PPP2R5C: variants seen among roughly 807,000 people sequenced by gnomAD.
PPP2R5C encodes the protein protein phosphatase 2 regulatory subunit B'gamma.
PPP2R5C carries 7 observed loss-of-function variants against 68.9 expected under a neutral mutation model. The ratio of observed to expected loss-of-function variants is 0.10; its 90% CI spans 0.06 to 0.19. PPP2R5C has a LOEUF of 0.19. Among genes scored for constraint, PPP2R5C ranks in the 10% least tolerant of loss-of-function variants. The pLI is 1.00. For missense variants in PPP2R5C, 348 were observed against 641.3 expected (o/e 0.54, Z 4.94); for synonymous variants, 210 against 222.2 (o/e 0.95, Z 0.49).
chr14:101,877,449 T>C lies in PPP2R5C; in HGVS notation c.295-4712T>C, dbSNP rs967552929. 6.6e-6 allele frequency among the ~76,000 whole-genome samples: 1 copy of C among 152,170 alleles called. No homozygotes were observed. The highest frequency in any genetic ancestry group is 2.4e-5 in the African/African-American group (1 of 41,442). On this transcript the variant is annotated intron_variant, in intron 2 of 13. Coordinates refer to ENST00000334743, the Ensembl canonical transcript of PPP2R5C. The surrounding 1 kb of genome is among the most constrained non-coding windows in gnomAD (Gnocchi z 4.2). ...CATTTGAGAGATCACAGTGACCCTG[T>C]GTGCTGCCCAGAAGACCCGGGACTC... is the stretch of plus-strand genomic sequence containing the variant.
Position 101,781,083 on chromosome 14 carries a change from A to G in PPP2R5C, c.94-4935A>G, listed in dbSNP as rs2037660159. On this transcript the variant is annotated intron_variant, in intron 2 of 14. Transcript: ENST00000328724. The surrounding 1 kb of genome is among the most constrained non-coding windows in gnomAD (Gnocchi z 6.4). ...CCTTCCTCCCTAGCCGTCTCCCTCC[A>G]GCTACAGGTGCCTTGCGGTGCCGCC... Among the ~76,000 whole-genome samples, 1 of 151,960 alleles carries G rather than the reference A, an allele frequency of 6.6e-6. No homozygotes were observed. Among genetic ancestry groups the G allele is most frequent in the Non-Finnish European group, 1.5e-5 (1 of 67,970 alleles).
chr14:101,816,838 A>G (rs992944786), intron 1 of PPP2R5C, among the ~76,000 whole-genome samples: 1 of 146,010 alleles, frequency 6.8e-6, no homozygotes, highest in African/African-American at 2.5e-5. Context: ...ACTTTTTCAT[A>G]ATGTTTGAGA....
chr14:101,821,479 G>GTA (rs1555386213), intron 1 of PPP2R5C, among the ~76,000 whole-genome samples: 1 of 151,614 alleles, frequency 6.6e-6, no homozygotes, highest in African/African-American at 2.4e-5. Flanking sequence ...GTGTGTGTGT[G>GTA]TGTGTATTTA....
chr14:101,832,069 G>A (rs994026376), intron 1 of PPP2R5C, among the ~76,000 whole-genome samples: 1 of 152,198 alleles, frequency 6.6e-6, no homozygotes, highest in Non-Finnish European at 1.5e-5. Context: ...AGAGCAAGTG[G>A]TCTGTATGTC....
intron 1 of PPP2R5C, among the ~76,000 whole-genome samples, chr14:101,814,628 AAAAT>A (rs2039552118): frequency 6.6e-6 from 1 of 152,226 alleles, no homozygotes; most frequent in Non-Finnish European, 1.5e-5. Context: ...GCTATCTTCT[AAAAT>A]TTTCTCATTA....
At chr14:101,847,787 C>T (rs1009693862) in intron 1 of PPP2R5C, among the ~76,000 whole-genome samples, 1 of 151,764 alleles carries the variant, frequency 6.6e-6, no homozygotes, top group African/African-American at 2.4e-5. Flanking sequence ...CTCAGCCTCC[C>T]GAGTAACTGG....
At chr14:101,859,081 T>A (rs889623645) in intron 2 of PPP2R5C, among the ~76,000 whole-genome samples, 6 of 152,202 alleles carry the variant, frequency 3.9e-5, no homozygotes, top group Admixed American at 2.6e-4. Flanking sequence ...TGCCAGCCCC[T>A]GGGCTCCCTA....
At chr14:101,852,203 C>T (rs1388694910) in intron 1 of PPP2R5C, among the ~76,000 whole-genome samples, 2 of 152,094 alleles carry the variant, frequency 1.3e-5, no homozygotes, top group Admixed American at 1.3e-4. Flanking sequence ...TGTTTTCTTC[C>T]TACGTTCCAA....
intron 12 of PPP2R5C, chr14:101,912,706 G>T (rs1353838153): frequency 5.6e-6 from 5 of 896,112 alleles, no homozygotes; most frequent in Non-Finnish European, 5.9e-6. Context: ...TTTTAAATAA[G>T]ATCTGAATCT....
chr14:101,912,296 G>A (rs1036139339), intron 11 of PPP2R5C, 105 bp from the exon 14 acceptor site: 6 of 898,186 alleles, frequency 6.7e-6, no homozygotes, highest in Middle Eastern at 2.4e-4. Context: ...GGGGGGCTGC[G>A]GGAGGAGCCG....
chr14:101,764,016 T>C (rs1473913310), intron 2 of PPP2R5C, among the ~76,000 whole-genome samples: 2 of 151,114 alleles, frequency 1.3e-5, no homozygotes, highest in African/African-American at 2.4e-5. Flanking sequence ...TGTGTGTGTG[T>C]GTGTGTGTGT....
chr14:101,823,263 T>C (rs960117050), intron 1 of PPP2R5C, among the ~76,000 whole-genome samples: 30 of 152,314 alleles, frequency 2.0e-4, no homozygotes, highest in African/African-American at 5.5e-4. Context: ...GATGTAAATA[T>C]TTATGCCAGC....
chr14:101,822,041 G>T (rs1156563493), intron 1 of PPP2R5C, among the ~76,000 whole-genome samples: 1 of 151,502 alleles, frequency 6.6e-6, no homozygotes, highest in Admixed American at 6.6e-5. Context: ...AAACGTTGAG[G>T]TCTTATTAAT....
At chr14:101,832,437 T>C (rs1233973445) in intron 1 of PPP2R5C, among the ~76,000 whole-genome samples, 1 of 152,154 alleles carries the variant, frequency 6.6e-6, no homozygotes, top group African/African-American at 2.4e-5. Context: ...TAGTAAAAAG[T>C]GTATCCATTT....
chr14:101,881,893 G>A (rs1028054135), intron 2 of PPP2R5C, among the ~76,000 whole-genome samples: 20 of 152,204 alleles, frequency 1.3e-4, no homozygotes, highest in African/African-American at 4.6e-4. Context: ...CTTTGTTGGT[G>A]TTGGTTGTCA....
At position 101,821,011 on chromosome 14, in the gene PPP2R5C, T is replaced by G. The variant is rs578128754; in HGVS notation, c.94+10975T>G. 62 of 152,070 alleles carry G rather than the reference T, an allele frequency of 4.1e-4. 1 individual carries two copies. The East Asian group carries it at 5.2e-3, about 13-fold the overall frequency. 9.4% of individuals were successfully genotyped at this position (152,070 alleles called of 1,614,324 possible). A position where few individuals can be genotyped will look rare whatever the true frequency, so the allele number is the denominator to read the frequency against. ...GGAAAACACGTGGACTTGGAAGTTT[T>G]TCTCGAATGGGCTGGATGTGACCCT... On this transcript the variant is annotated intron_variant, in intron 1 of 13. Transcript: ENST00000334743.
intron 2 of PPP2R5C, among the ~76,000 whole-genome samples, chr14:101,875,241 G>A (rs1322156155): frequency 6.6e-6 from 1 of 152,126 alleles, no homozygotes; most frequent in Non-Finnish European, 1.5e-5. Flanking sequence ...AGATTTGTGG[G>A]AAGAAGGCTC....
chr14:101,841,875 A>G (rs2041495383), intron 1 of PPP2R5C, among the ~76,000 whole-genome samples: 1 of 152,120 alleles, frequency 6.6e-6, no homozygotes, highest in South Asian at 2.1e-4. Context: ...CTTAGTCTGG[A>G]AGGTGGGGAG....
rs564571610 is a variant in PPP2R5C at position 101,896,835 on chromosome 14, CT to C, written c.852+2278del. 2.0e-4 allele frequency among the ~76,000 whole-genome samples: 30 copies of C among 152,210 alleles called. 1 individual carries two copies. The South Asian group carries it at 6.2e-3, about 32-fold the overall frequency. ...AAGTAGATCTTGTCACTCCTGGGCC[CT>C]TTCTCTCTTTCACAGTTCTTTTGTG... On this transcript the variant is annotated intron_variant, in intron 8 of 13. Coordinates refer to ENST00000334743, the Ensembl canonical transcript of PPP2R5C.
Sources: allele counts gnomAD v4.1 joint callset (sites outside exome capture counted in the v4.1 genomes callset), GRCh38; gene constraint gnomAD v4.1.1; non-coding constraint Gnocchi (gnomAD v3.1); transcripts MANE v1.5; gene names NCBI Gene and HGNC (gene_info 2026-07-23, HGNC 2026-07-21).